The following CLTCL1 variants were observed in gnomAD, a reference collection of about 807,000 sequenced individuals.
CLTCL1 encodes the protein clathrin heavy chain 2.
In CLTCL1, 159 loss-of-function variants were observed where a neutral mutation model predicts 190.0. That is an observed-to-expected ratio of 0.84 (90% CI 0.74 to 0.95). The LOEUF (loss-of-function observed/expected upper bound fraction) is 0.95, where lower values mean the gene tolerates loss of function less well. Among genes scored for constraint, CLTCL1 ranks in the 40% least tolerant of loss-of-function variants. CLTCL1 has a pLI of 0.00. For synonymous variants in CLTCL1, 752 were observed against 769.6 expected (o/e 0.98, Z 0.38); for missense variants, 1,878 against 2,033.4 (o/e 0.92, Z 1.47).
chr22:19,222,891 G>C (rs1384033827), intron 14 of CLTCL1, 82 bp from the exon 15 acceptor site: 1 of 1,506,112 alleles, frequency 6.6e-7, no homozygotes, highest in African/African-American at 1.4e-5. Context: ...CACATGGGAC[G>C]GCTCTGTCTC....
intron 19 of CLTCL1, among the ~76,000 whole-genome samples, chr22:19,214,344 TTGG>T (rs1555948494): frequency 1.3e-5 from 2 of 152,194 alleles, no homozygotes; most frequent in African/African-American, 4.8e-5. Context: ...CTGTGCCTCC[TTGG>T]TGGCTGATGA....
Position 19,221,472 on chromosome 22 carries a change from C to T in CLTCL1, c.2701G>A (p.Asp901Asn). ...CAGTAGCGGCCCACCACGCTGCTGT[C>T]ATAGTAGGCATTCTCTCTCAGGAAG... ...ECFLRENAYY[D>N]SSVVGRYCEK... The change falls in exon 17 of 33, where the codon GAC (aspartate) becomes AAC (asparagine). Residue 901 changes from aspartate (D) to asparagine (N), a missense_variant. Coordinates refer to ENST00000427926, the MANE Select transcript of CLTCL1 (RefSeq NM_007098.4). 1 of 1,591,154 alleles carries T rather than the reference C, an allele frequency of 6.3e-7. No individual in the cohort carries two copies. Among genetic ancestry groups the T allele is most frequent in the South Asian group, 1.1e-5 (1 of 87,316 alleles).
At chr22:19,219,177 A>C (rs1254994173) in intron 18 of CLTCL1, among the ~76,000 whole-genome samples, 3 of 151,414 alleles carry the variant, frequency 2.0e-5, no homozygotes, top group Non-Finnish European at 4.4e-5. Context: ...TTATTTATTT[A>C]TTTATTTATT....
intron 15 of CLTCL1, 52 bp downstream of exon 15, chr22:19,222,632 A>G: frequency 6.4e-7 from 1 of 1,563,208 alleles, no homozygotes; most frequent in Non-Finnish European, 8.7e-7. Context: ...GAAGACTGCC[A>G]CTGACTGGGG....
Position 19,258,643 on chromosome 22 carries a change from T to C in CLTCL1, c.251-4416A>G, listed in dbSNP as rs73377878. The C allele has an allele frequency of 4.3e-3, 2,736 of 635,336 alleles. 50 individuals carry two copies. The African/African-American group carries it at 0.044, about 10-fold the overall frequency. The allele number at this position is 635,336 out of a possible 1,614,324, so 39.4% of individuals were successfully genotyped here. On this transcript the variant is annotated intron_variant, in intron 2 of 32. Coordinates refer to ENST00000427926, the MANE Select transcript of CLTCL1 (RefSeq NM_007098.4). Reference sequence around the variant, plus strand: ...ATCCAGGTCAATCTGGAGGCTGAGATCACCACCTACCACCGCCTGCTGGAA... The same window carrying C: ...ATCCAGGTCAATCTGGAGGCTGAGACCACCACCTACCACCGCCTGCTGGAA...
At chr22:19,230,887 A>G (rs990213495) in intron 10 of CLTCL1, among the ~76,000 whole-genome samples, 19 of 152,164 alleles carry the variant, frequency 1.2e-4, no homozygotes, top group African/African-American at 4.6e-4. Flanking sequence ...TCCACTCTCA[A>G]TGTCGGGGAA....
intron 5 of CLTCL1, among the ~76,000 whole-genome samples, chr22:19,237,272 C>T (rs1237349019): frequency 6.6e-6 from 1 of 151,908 alleles, no homozygotes; most frequent in East Asian, 1.9e-4. Context: ...GCCAGGAGTT[C>T]AAGACTGGCC....
intron 22 of CLTCL1, among the ~76,000 whole-genome samples, chr22:19,206,231 T>C (rs1352132580): frequency 1.3e-5 from 2 of 151,840 alleles, no homozygotes; most frequent in Admixed American, 1.3e-4. Flanking sequence ...TTTCTTTTTG[T>C]TTGTTTGTTT....
chr22:19,263,404 ATTTATT>A (rs1186178479), intron 2 of CLTCL1, among the ~76,000 whole-genome samples: 43 of 151,314 alleles, frequency 2.8e-4, no homozygotes, highest in African/African-American at 3.9e-4. Context: ...GCCATAAATT[ATTTATT>A]TTTATTTTTA....
chr22:19,214,227 C>CA, intron 19 of CLTCL1, among the ~76,000 whole-genome samples: 1 of 152,306 alleles, frequency 6.6e-6, no homozygotes, highest in Non-Finnish European at 1.5e-5. Flanking sequence ...AGGGGCACGT[C>CA]AGAGGTCCAG....
chr22:19,201,550 A>ACC, intron 22 of CLTCL1, 57 bp from the exon 23 acceptor site: 1 of 1,556,622 alleles, frequency 6.4e-7, no homozygotes, highest in South Asian at 1.2e-5. Context: ...ATTTCTCCAG[A>ACC]GTTGCTTTTA....
At chr22:19,250,694 C>T (rs185995039) in intron 3 of CLTCL1, among the ~76,000 whole-genome samples, 188 of 152,154 alleles carry the variant, frequency 1.2e-3, no homozygotes, top group Non-Finnish European at 2.3e-3. Context: ...GCTGGAACTA[C>T]AGGTGCATGC....
Position 19,233,175 on chromosome 22 carries a change from A to G in CLTCL1, c.1512T>C (p.Tyr504=), listed in dbSNP as rs781886381. The G allele has an allele frequency of 7.4e-6, 12 of 1,612,980 alleles. No homozygotes were observed. ...GTTCAACACACGTTACCTTTTTGGC[A>G]TAGAGCACAATTTTCTGGAATTGGC... ...ETGQFQKIVL[Y]AKKVGYTPDW... Residue 504 remains tyrosine, a synonymous_variant, in exon 9 of 33, where the codon TAT becomes TAC. Transcript: ENST00000427926.
chr22:19,272,824 G>T (rs1555981389), intron 2 of CLTCL1, among the ~76,000 whole-genome samples: 2 of 152,082 alleles, frequency 1.3e-5, no homozygotes, highest in African/African-American at 4.8e-5. Flanking sequence ...TGTCACCCAG[G>T]CTGGAATGCA....
chr22:19,199,698 TGTC>T, intron 24 of CLTCL1, 33 bp downstream of exon 24: 1 of 1,508,884 alleles, frequency 6.6e-7, no homozygotes, highest in Non-Finnish European at 9.0e-7. Flanking sequence ...AGGCATCACT[TGTC>T]ATCTGCATTA....
Position 19,180,775 on chromosome 22 carries a change from C to T in CLTCL1, c.4859G>A (p.Arg1620His), listed in dbSNP as rs5748024. The T allele has an allele frequency of 9.3e-3, 14,985 of 1,613,786 alleles. 192 individuals carry two copies. The highest frequency in any genetic ancestry group is 0.046 in the South Asian group (4,188 of 91,078). The change falls in exon 31 of 33, where the codon CGC (arginine) becomes CAC (histidine). Residue 1620 changes from arginine (R) to histidine (H), a missense_variant. Arg to His is a conservative substitution (Grantham distance 29). Transcript: ENST00000427926. ...VDKLDALESL[R>H]KQEEHVTEPA... ...CTCTGTCACATGCTCCTCTTGCTTG[C>T]GCAGACTCTCCAAGGCATCCAGTTT...
At chr22:19,207,978 A>C (rs782631682) in intron 22 of CLTCL1, 176 bp downstream of exon 22, 1 of 716,476 alleles carries the variant, frequency 1.4e-6, no homozygotes, top group South Asian at 1.5e-5. Flanking sequence ...AATAAAGTGG[A>C]CAATAAATGT....
chr22:19,183,315 C>T, intron 30 of CLTCL1, 75 bp downstream of exon 30: 1 of 1,358,828 alleles, frequency 7.4e-7, no homozygotes, highest in Non-Finnish European at 1.0e-6. Context: ...CCCTTAAGAC[C>T]TGCGGCCAGA....
intron 1 of CLTCL1, among the ~76,000 whole-genome samples, chr22:19,284,113 A>C (rs534414551): frequency 2.0e-5 from 3 of 152,196 alleles, no homozygotes; most frequent in African/African-American, 7.2e-5. Flanking sequence ...GGAGGACTAC[A>C]ACTGTGTTTG....
Sources: allele counts gnomAD v4.1 joint callset (sites outside exome capture counted in the v4.1 genomes callset), GRCh38; gene constraint gnomAD v4.1.1; transcripts MANE v1.5; gene names NCBI Gene and HGNC (gene_info 2026-07-23, HGNC 2026-07-21).